JAZF1: variants seen among roughly 807,000 people sequenced by gnomAD.
JAZF1 encodes juxtaposed with another zinc finger protein 1.
In JAZF1, 8 loss-of-function variants were observed where a neutral mutation model predicts 26.4. The ratio of observed to expected loss-of-function variants is 0.30; its 90% confidence interval spans 0.18 to 0.55. JAZF1 has a LOEUF of 0.55. JAZF1 is among the 20% of genes least tolerant of loss of function. The probability of loss-of-function intolerance (pLI) is 0.94; values close to 1 mark genes in which losing one functional copy is unlikely to be tolerated. For missense variants in JAZF1, 199 were observed against 322.0 expected (o/e 0.62, Z 2.92); for synonymous variants, 126 against 122.3 (o/e 1.03, Z -0.20).
intron 1 of JAZF1, among the ~76,000 whole-genome samples, chr7:28,061,389 G>GT (rs1783795078): frequency 6.6e-6 from 1 of 152,146 alleles, no homozygotes; most frequent in African/African-American, 2.4e-5. Context: ...TGAAACCTCT[G>GT]TTTAAGAAAG....
At chr7:27,865,974 C>T (rs114453445) in intron 3 of JAZF1, among the ~76,000 whole-genome samples, 1,745 of 152,268 alleles carry the variant, frequency 0.011, 41 homozygotes, top group African/African-American at 0.04. Flanking sequence ...TGGGGCTGTT[C>T]TGCTGGACTA....
At chr7:27,893,032 G>A (rs1232155649) in intron 3 of JAZF1, among the ~76,000 whole-genome samples, 1 of 152,294 alleles carries the variant, frequency 6.6e-6, no homozygotes, top group Admixed American at 6.5e-5. Context: ...GTTCAATCCT[G>A]ATTGAACACA....
At chr7:27,835,574 C>A (rs998740747) in intron 4 of JAZF1, among the ~76,000 whole-genome samples, 4 of 152,200 alleles carry the variant, frequency 2.6e-5, no homozygotes, top group African/African-American at 9.7e-5. Flanking sequence ...GGTCAGAGAA[C>A]CTGCTGTGCC....
chr7:27,940,243 T>C (rs1356814493), intron 2 of JAZF1, among the ~76,000 whole-genome samples: 10 of 152,098 alleles, frequency 6.6e-5, no homozygotes. Context: ...GTGAAGAAGG[T>C]GACACCTTTC....
chr7:27,838,545 G>C (rs1782860791), intron 4 of JAZF1, among the ~76,000 whole-genome samples: 1 of 152,210 alleles, frequency 6.6e-6, no homozygotes, highest in African/African-American at 2.4e-5. Context: ...CTTGCCTTGA[G>C]AACAAATGAG....
At chr7:27,972,171 A>G (rs1246878249) in intron 2 of JAZF1, among the ~76,000 whole-genome samples, 4 of 152,254 alleles carry the variant, frequency 2.6e-5, no homozygotes, top group African/African-American at 9.6e-5. Flanking sequence ...GATTTCAAGC[A>G]GTGATAAGCA....
Position 27,852,854 on chromosome 7 carries a change from C to T in JAZF1, c.386-11987G>A, listed in dbSNP as rs533103333. ...CAATTAATTACCAGTCATTATCCTA[C>T]TCTGTGATGCTCAAATTACCACACC... is the stretch of plus-strand genomic sequence containing the variant. On this transcript the variant is annotated intron_variant, in intron 3 of 4. Transcript: ENST00000283928. 7.0e-4 allele frequency among the ~76,000 whole-genome samples: 107 copies of T among 152,334 alleles called. 1 individual carries two copies. Among genetic ancestry groups the T allele is most frequent in the Middle Eastern group, 6.8e-3 (2 of 294 alleles).
intron 2 of JAZF1, among the ~76,000 whole-genome samples, chr7:27,899,355 C>A (rs759568313): frequency 6.6e-6 from 1 of 152,166 alleles, no homozygotes; most frequent in Non-Finnish European, 1.5e-5. Context: ...TTAAGCAAGT[C>A]ATGTGACTCA....
intron 1 of JAZF1, among the ~76,000 whole-genome samples, chr7:28,058,201 G>A (rs980757312): frequency 2.0e-5 from 3 of 152,162 alleles, no homozygotes; most frequent in African/African-American, 7.2e-5. Context: ...GTCAGAGTTT[G>A]TATGCAAGGA....
At chr7:27,930,198 T>C (rs1315178248) in intron 2 of JAZF1, among the ~76,000 whole-genome samples, 4 of 152,152 alleles carry the variant, frequency 2.6e-5, no homozygotes, top group African/African-American at 7.2e-5. Flanking sequence ...GGTTTCACTG[T>C]GTTAGCCAGG....
At chr7:27,901,711 C>T (rs755508747) in intron 2 of JAZF1, among the ~76,000 whole-genome samples, 13 of 152,160 alleles carry the variant, frequency 8.5e-5, no homozygotes, top group Non-Finnish European at 1.3e-4. Context: ...CACTGCATGT[C>T]GCCAGGAGGC....
At chr7:27,979,728 T>G (rs1231928177) in intron 2 of JAZF1, among the ~76,000 whole-genome samples, 2 of 152,072 alleles carry the variant, frequency 1.3e-5, no homozygotes, top group Non-Finnish European at 2.9e-5. Flanking sequence ...CCGAATCCCC[T>G]GCCTCTCCCC....
At chr7:27,894,367 A>G (rs570487115) in intron 3 of JAZF1, among the ~76,000 whole-genome samples, 1 of 152,340 alleles carries the variant, frequency 6.6e-6, no homozygotes, top group South Asian at 2.1e-4. Flanking sequence ...TAAGTCTACC[A>G]AGGTTTTCTT....
intron 1 of JAZF1, among the ~76,000 whole-genome samples, chr7:28,086,359 A>C (rs1465073144): frequency 1.3e-5 from 2 of 152,150 alleles, no homozygotes; most frequent in South Asian, 2.1e-4. Flanking sequence ...GGTGCATTCC[A>C]ATCTGCCCAA....
At chr7:28,063,284 A>G (rs1011879146) in intron 1 of JAZF1, among the ~76,000 whole-genome samples, 3 of 152,230 alleles carry the variant, frequency 2.0e-5, no homozygotes, top group African/African-American at 7.2e-5. Flanking sequence ...ATTTGAAACT[A>G]AGGTATTAAA....
intron 1 of JAZF1, among the ~76,000 whole-genome samples, chr7:28,065,277 G>A (rs1354844373): frequency 1.3e-5 from 2 of 152,110 alleles, no homozygotes; most frequent in East Asian, 1.9e-4. Flanking sequence ...ACAAATGTAA[G>A]CAGAGTGAAA....
At chr7:27,961,973 C>T (rs1001142492) in intron 2 of JAZF1, among the ~76,000 whole-genome samples, 5 of 152,180 alleles carry the variant, frequency 3.3e-5, no homozygotes, top group Non-Finnish European at 2.9e-5. Flanking sequence ...CCCAGCTCCA[C>T]TAGTGGTGAG....
intron 1 of JAZF1, among the ~76,000 whole-genome samples, chr7:28,150,756 T>C (rs915975164): frequency 1.3e-5 from 2 of 152,240 alleles, no homozygotes; most frequent in African/African-American, 4.8e-5. Context: ...CTTCTCATGC[T>C]ACAGGCCACT....
intron 2 of JAZF1, among the ~76,000 whole-genome samples, chr7:27,969,653 G>A (rs1483164938): frequency 6.6e-6 from 1 of 152,196 alleles, no homozygotes; most frequent in South Asian, 2.1e-4. Context: ...GGATTTATCT[G>A]CAACTGGAGA....
Sources: gnomAD v4.1 joint callset for allele counts (sites outside exome capture counted in the v4.1 genomes callset) on GRCh38, gnomAD v4.1.1 for gene constraint, MANE v1.5 for transcripts, NCBI Gene and HGNC (gene_info 2026-07-23, HGNC 2026-07-21) for gene names.